Variants in MARCHF11 observed in about 807,000 individuals in gnomAD.
MARCHF11 encodes membrane associated ring-CH-type finger 11.
In MARCHF11, 29 loss-of-function variants were observed where a neutral mutation model predicts 37.3. The ratio of observed to expected loss-of-function variants is 0.78; its 90% CI spans 0.58 to 1.06. MARCHF11 has a LOEUF of 1.06. MARCHF11 is among the 50% of genes least tolerant of loss of function. The pLI is 0.00. For synonymous variants in MARCHF11, 233 were observed against 228.0 expected, an observed-to-expected ratio of 1.02 and a Z score of -0.20; for missense variants, 482 against 533.4, an observed-to-expected ratio of 0.90 and a Z score of 0.95.
chr5:16,165,013 C>G (rs977853552), intron 2 of MARCHF11, among the ~76,000 whole-genome samples: 1 of 152,098 alleles, frequency 6.6e-6, no homozygotes, highest in African/African-American at 2.4e-5. Context: ...CATGACATCT[C>G]CTACGCTTCA....
chr5:16,067,651 A>G lies in MARCHF11; in HGVS notation c.1029T>C (p.Thr343=). ...SSRGESSTSR[T]LWLPLTALRN... Reference sequence around the variant, plus strand: ...GCAGAGCTGTCAATGGCAACCACAAAGTCCTACTTGTGGAAGACTCTCCCC... The same window carrying G: ...GCAGAGCTGTCAATGGCAACCACAAGGTCCTACTTGTGGAAGACTCTCCCC... Residue 343 remains threonine (T), a synonymous_variant, in exon 4 of 4, where the codon ACT becomes ACC. Transcript: ENST00000332432. The G allele has an allele frequency of 6.2e-7, 1 of 1,613,946 alleles. No individual in the cohort carries two copies. The highest frequency in any genetic ancestry group is 8.5e-7 in the Non-Finnish European group (1 of 1,179,854).
chr5:16,129,770 A>G (rs1449559118), intron 2 of MARCHF11, among the ~76,000 whole-genome samples: 1 of 152,162 alleles, frequency 6.6e-6, no homozygotes, highest in Non-Finnish European at 1.5e-5. Context: ...GTGATTTCCA[A>G]TTGACATTTA....
rs973939524 is a variant in MARCHF11 at position 16,125,141 on chromosome 5, G to C, written c.694-34060C>G. Reference sequence around the variant, plus strand: ...CAAAGTGGTGTTTAAGCCATACATCGTAATTTGCAATTCCAACTCAATAGC... The same window carrying C: ...CAAAGTGGTGTTTAAGCCATACATCCTAATTTGCAATTCCAACTCAATAGC... On this transcript the variant is annotated intron_variant, in intron 2 of 3. Coordinates refer to ENST00000332432, the MANE Select transcript of MARCHF11 (RefSeq NM_001102562.3). Among the ~76,000 whole-genome samples the C allele has an allele frequency of 4.0e-5, 6 of 151,332 alleles. 1 individual carries two copies. Among genetic ancestry groups the C allele is most frequent in the Non-Finnish European group, 7.4e-5 (5 of 67,652 alleles).
chr5:16,174,666 T>C (rs1392949232), intron 2 of MARCHF11, among the ~76,000 whole-genome samples: 2 of 152,202 alleles, frequency 1.3e-5, no homozygotes, highest in East Asian at 3.9e-4. Context: ...GCATCACTGG[T>C]GAGTTCTTGC....
chr5:16,150,923 A>T (rs1272774576), intron 2 of MARCHF11, among the ~76,000 whole-genome samples: 1 of 152,040 alleles, frequency 6.6e-6, no homozygotes, highest in Non-Finnish European at 1.5e-5. Context: ...CTCTACACCC[A>T]TTCAGATCCT....
At chr5:16,162,460 C>T (rs1226684934) in intron 2 of MARCHF11, among the ~76,000 whole-genome samples, 1 of 151,972 alleles carries the variant, frequency 6.6e-6, no homozygotes, top group Admixed American at 6.6e-5. Context: ...TTCTAGAAGG[C>T]AATATATTTT....
intron 2 of MARCHF11, among the ~76,000 whole-genome samples, chr5:16,151,681 G>GTGTGTGTC (rs1737893805): frequency 6.7e-6 from 1 of 150,330 alleles, no homozygotes; most frequent in African/African-American, 2.5e-5. Context: ...GTGTGTGTGT[G>GTGTGTGTC]TGTGTGTGTG....
At chr5:16,141,670 T>C (rs1405365950) in intron 2 of MARCHF11, 1 of 152,246 alleles carries the variant, frequency 6.6e-6, no homozygotes, top group Non-Finnish European at 1.5e-5. Flanking sequence ...GCACGATCAC[T>C]GTAATATTTT....
rs185720001 is a variant in MARCHF11, at chr5:16,067,341, G to A, written c.*130C>T. 1.3e-6 allele frequency: 1 copy of A among 795,850 alleles called. No homozygotes were observed. The highest frequency in any genetic ancestry group is 2.0e-5 in the South Asian group (1 of 49,088). The allele number at this position is 795,850 out of a possible 1,614,324, so 49.3% of individuals were successfully genotyped here. A position where few individuals can be genotyped will look rare whatever the true frequency, so the allele number is the denominator to read the frequency against. On this transcript the variant is annotated 3_prime_UTR_variant, in exon 4 of 4. Coordinates refer to ENST00000332432, the MANE Select transcript of MARCHF11 (RefSeq NM_001102562.3). ...AGAAAAATGTATTTGCAATTCAAATGTTCATATAAAAAGCATAAATTTTAA... is the reference window on the plus strand; with the variant it reads ...AGAAAAATGTATTTGCAATTCAAATATTCATATAAAAAGCATAAATTTTAA...
chr5:16,070,918 T>C (rs61619084), intron 3 of MARCHF11, among the ~76,000 whole-genome samples: 2,800 of 152,276 alleles, frequency 0.018, 70 homozygotes, highest in African/African-American at 0.063. Flanking sequence ...CCATTCCCAT[T>C]CCCAAGGCTG....
At chr5:16,079,158 C>T (rs1034091059) in intron 3 of MARCHF11, among the ~76,000 whole-genome samples, 1 of 152,112 alleles carries the variant, frequency 6.6e-6, no homozygotes, top group African/African-American at 2.4e-5. Context: ...CAACCTATTG[C>T]CCTCTACTAT....
chr5:16,078,763 A>G (rs1736560398), intron 3 of MARCHF11, among the ~76,000 whole-genome samples: 1 of 152,100 alleles, frequency 6.6e-6, no homozygotes, highest in African/African-American at 2.4e-5. Context: ...GTGTGACCTC[A>G]CTGCTGCACA....
chr5:16,069,206 C>T (rs1736396936), intron 3 of MARCHF11, among the ~76,000 whole-genome samples: 1 of 151,774 alleles, frequency 6.6e-6, no homozygotes, highest in African/African-American at 2.4e-5. Context: ...AATGACAATC[C>T]CAAAGTCACA....
intron 2 of MARCHF11, among the ~76,000 whole-genome samples, chr5:16,160,242 T>C (rs900805184): frequency 2.0e-4 from 30 of 146,852 alleles, no homozygotes; most frequent in Admixed American, 1.9e-3. Context: ...ATATTTTATA[T>C]CTTTTATAAT....
chr5:16,122,482 T>G (rs1737326986), intron 2 of MARCHF11, among the ~76,000 whole-genome samples: 1 of 152,218 alleles, frequency 6.6e-6, no homozygotes, highest in African/African-American at 2.4e-5. Context: ...ATACTTATAT[T>G]TTTAGGACAA....
At chr5:16,135,118 T>G (rs1737586371) in intron 2 of MARCHF11, among the ~76,000 whole-genome samples, 1 of 152,106 alleles carries the variant, frequency 6.6e-6, no homozygotes, top group Non-Finnish European at 1.5e-5. Flanking sequence ...GACTGCATAA[T>G]GGCAGAACAT....
intron 2 of MARCHF11, among the ~76,000 whole-genome samples, chr5:16,097,147 ACATT>A (rs2126561016): frequency 6.6e-6 from 1 of 152,350 alleles, no homozygotes; most frequent in Non-Finnish European, 1.5e-5. Context: ...GCTAAAACTT[ACATT>A]CAGTCATCTT....
At chr5:16,106,912 C>T (rs535896766) in intron 2 of MARCHF11, among the ~76,000 whole-genome samples, 27 of 152,248 alleles carry the variant, frequency 1.8e-4, no homozygotes, top group African/African-American at 5.5e-4. Flanking sequence ...CTGATTCTCT[C>T]TGGGGTCATA....
intron 2 of MARCHF11, among the ~76,000 whole-genome samples, chr5:16,115,127 G>A (rs1017470577): frequency 5.9e-5 from 9 of 152,272 alleles, no homozygotes; most frequent in South Asian, 2.1e-4. Flanking sequence ...CGGAAGCTGA[G>A]GGACTTTGTA....
Sources: gnomAD v4.1 joint callset for allele counts (sites outside exome capture counted in the v4.1 genomes callset) on GRCh38, gnomAD v4.1.1 for gene constraint, MANE v1.5 for transcripts, NCBI Gene and HGNC (gene_info 2026-07-23, HGNC 2026-07-21) for gene names.